ARSH: variants seen among roughly 807,000 people sequenced by gnomAD.
ARSH encodes the protein arylsulfatase family member H, also known as arylsulfatase H.
In ARSH, 32 loss-of-function variants were observed where a neutral mutation model predicts 28.7. The ratio of observed to expected loss-of-function variants is 1.11; its 90% confidence interval spans 0.84 to 1.50. The LOEUF (loss-of-function observed/expected upper bound fraction) is 1.50, where lower values mean the gene tolerates loss of function less well. Among genes scored for constraint, ARSH ranks in the 40% most tolerant of loss-of-function variants. ARSH has a pLI of 0.00. For missense variants in ARSH, 440 were observed against 452.4 expected (o/e 0.97, Z 0.25); for synonymous variants, 176 against 177.3 (o/e 0.99, Z 0.06).
rs2089919933 is a variant in ARSH at position 3,033,266 on chromosome X, G to A, written c.1570G>A (p.Val524Ile). ...AGAGCATCGTAGGACACTAACACCT[G>A]TCCCACAGCAGTTCTCTGTGTTCAA... ...IREHRRTLTPVPQQFSVFNTI... is the reference protein window; with the variant it reads ...IREHRRTLTPIPQQFSVFNTI... The change falls in exon 9 of 9, where the codon GTC becomes ATC. Residue 524 changes from valine to isoleucine, a missense_variant. Physicochemically the swap from Val to Ile is conservative, Grantham distance 29. Coordinates refer to ENST00000381130, the MANE Select transcript of ARSH (RefSeq NM_001011719.2). 2.5e-6 allele frequency: 3 copies of A among 1,211,506 alleles called. No individual in the cohort carries two copies. The highest frequency in any genetic ancestry group is 5.9e-5 in the East Asian group (2 of 33,798).
In ARSH at chrX:3,029,310, G is replaced by A; in HGVS notation, c.1263G>A (p.Glu421=). The change falls in exon 8 of 9, where the codon GAG becomes GAA. Residue 421 remains glutamate (E), a synonymous_variant. Transcript: ENST00000381130. The part of the protein sequence containing the change: ...LEGRASHSDH[E]FLFHYCGVYL... The stretch of plus-strand genomic sequence containing the variant: ...GAAGGGCGTCCCACTCCGACCACGA[G>A]TTCCTCTTCCACTACTGTGGGGTCT... 3.3e-6 allele frequency: 4 copies of A among 1,210,995 alleles called. No individual in the cohort carries two copies. Among genetic ancestry groups the A allele is most frequent in the Non-Finnish European group, 4.5e-6 (4 of 895,210 alleles).
intron 5 of ARSH, among the ~76,000 whole-genome samples, chrX:3,019,794 C>T (rs2089876568): frequency 9.0e-6 from 1 of 111,058 alleles, no homozygotes; most frequent in African/African-American, 3.3e-5. Context: ...ACTTTCTTTT[C>T]TCTGAAAACC....
At position 3,033,628 on chromosome X, in the gene ARSH, A is replaced by G. The variant is rs1441462986; in HGVS notation, c.*243A>G. 4.1e-6 allele frequency: 1 copy of G among 244,662 alleles called. No homozygotes were observed. Among genetic ancestry groups the G allele is most frequent in the African/African-American group, 2.8e-5 (1 of 36,343 alleles). The allele number at this position is 244,662 out of a possible 1,213,427, so 20.2% of individuals were successfully genotyped here. ...TAGTATATAATTGTGCCATTGCCCA[A>G]GGAAAAGAGCAAATCAAGGTGACTT... On this transcript the variant is annotated 3_prime_UTR_variant, in exon 9 of 9. Coordinates refer to ENST00000381130, the MANE Select transcript of ARSH (RefSeq NM_001011719.2).
chrX:3,011,876 C>T (rs1406113727), intron 2 of ARSH, among the ~76,000 whole-genome samples: 1 of 111,209 alleles, frequency 9.0e-6, no homozygotes, highest in Non-Finnish European at 1.9e-5. Flanking sequence ...GAGTTTCCTT[C>T]TTGTCACCCA....
chrX:3,019,903 C>A (rs1278326367), intron 5 of ARSH, among the ~76,000 whole-genome samples: 1 of 110,672 alleles, frequency 9.0e-6, no homozygotes, highest in African/African-American at 3.3e-5. Flanking sequence ...ATAAATTTCT[C>A]TTGTATATTT....
chrX:3,013,800 T>TA (rs1340195640), intron 3 of ARSH, among the ~76,000 whole-genome samples: 1 of 110,403 alleles, frequency 9.1e-6, no homozygotes, highest in African/African-American at 3.3e-5. Context: ...TATCCCCAGT[T>TA]AAAAAAAAGG....
chrX:3,009,921 T>C, intron 1 of ARSH, 109 bp from the exon 2 acceptor site: 1 of 955,769 alleles, frequency 1.0e-6, no homozygotes, highest in Non-Finnish European at 1.4e-6. Context: ...GGATTTTAGG[T>C]TTACCAGAAA....
intron 1 of ARSH, among the ~76,000 whole-genome samples, chrX:3,008,362 G>A (rs1393622848): frequency 9.0e-6 from 1 of 111,109 alleles, no homozygotes; most frequent in Non-Finnish European, 1.9e-5. Flanking sequence ...AAATAACATT[G>A]TTTCTTCTTG....
chrX:3,029,941 C>T (rs1276210601), intron 8 of ARSH, among the ~76,000 whole-genome samples: 1 of 111,472 alleles, frequency 9.0e-6, no homozygotes, highest in African/African-American at 3.3e-5. Flanking sequence ...ACTATGTGGC[C>T]CAGGCTGGTC....
At position 3,029,335 on chromosome X, in the gene ARSH, T is replaced by A; in HGVS notation, c.1288T>A (p.Tyr430Asn). 1 of 1,210,759 alleles carries A rather than the reference T, an allele frequency of 8.3e-7. No homozygotes were observed. Among genetic ancestry groups the A allele is most frequent in the Non-Finnish European group, 1.1e-6 (1 of 895,030 alleles). Reference protein sequence around the residue: ...HEFLFHYCGVYLHTVRWHQKD... With the variant: ...HEFLFHYCGVNLHTVRWHQKD... ...GTTCCTCTTCCACTACTGTGGGGTC[T>A]ATCTGCACACGGTCAGGTGGCATCA... The change falls in exon 8 of 9, where the codon TAT becomes AAT. Residue 430 changes from tyrosine (Y) to asparagine (N), a missense_variant. Coordinates refer to ENST00000381130, the MANE Select transcript of ARSH (RefSeq NM_001011719.2).
chrX:3,032,815 A>G (rs997061847), intron 8 of ARSH, among the ~76,000 whole-genome samples: 3 of 112,094 alleles, frequency 2.7e-5, no homozygotes, highest in African/African-American at 9.7e-5. Flanking sequence ...TTCTCATGAC[A>G]AGATTTCTAA....
chrX:3,016,472 T>C (rs1265942091), intron 4 of ARSH, among the ~76,000 whole-genome samples: 1 of 111,610 alleles, frequency 9.0e-6, no homozygotes, highest in Non-Finnish European at 1.9e-5. Flanking sequence ...TGGCTCTGTA[T>C]TTACAGATAC....
intron 4 of ARSH, among the ~76,000 whole-genome samples, chrX:3,016,467 C>G (rs1012860164): frequency 1.8e-5 from 2 of 111,507 alleles, no homozygotes; most frequent in African/African-American, 6.5e-5. Context: ...GATAGTGGCT[C>G]TGTATTTACA....
chrX:3,006,946 A>G (rs142206728), intron 1 of ARSH, among the ~76,000 whole-genome samples: 4,230 of 111,290 alleles, frequency 0.038, 77 homozygotes, highest in Middle Eastern at 0.089. Context: ...TACATTTAAA[A>G]ATTGGCCTTT....
intron 8 of ARSH, 60 bp from the exon 9 acceptor site, chrX:3,032,958 G>A (rs1216703464): frequency 4.4e-6 from 5 of 1,132,536 alleles, no homozygotes; most frequent in Non-Finnish European, 5.8e-6. Context: ...CATCTTTAAC[G>A]AAAAGAGTCC....
chrX:3,015,289 T>C lies in ARSH; in HGVS notation c.660T>C (p.Arg220=). ...SWYSSYGFTR[R]WNCILMRNHE... is the part of the protein sequence containing the mutation. ...ACTCTAGTTATGGATTTACTCGACG[T>C]TGGAATTGCATCCTTATGAGGAACC... The change falls in exon 4 of 9, where the codon CGT becomes CGC. Residue 220 remains arginine (R), a synonymous_variant. Coordinates refer to ENST00000381130, the MANE Select transcript of ARSH (RefSeq NM_001011719.2). 3 of 1,211,661 alleles carry C rather than the reference T, an allele frequency of 2.5e-6. No individual in the cohort carries two copies. The highest frequency in any genetic ancestry group is 1.8e-5 in the South Asian group (1 of 56,947).
intron 7 of ARSH, 93 bp from the exon 8 acceptor site, chrX:3,029,154 C>T: frequency 1.1e-6 from 1 of 936,101 alleles, no homozygotes. Context: ...TCCTTTTCCT[C>T]CTCCTCCTCC....
At chrX:3,021,881 T>TTGTGTG (rs3032484) in intron 5 of ARSH, among the ~76,000 whole-genome samples, 2,788 of 94,187 alleles carry the variant, frequency 0.03, 55 homozygotes, top group South Asian at 0.068. Flanking sequence ...TCTGGCCAAT[T>TTGTGTG]TGTGTGTGTG....
chrX:3,012,381 C>A (rs770619845), intron 2 of ARSH, among the ~76,000 whole-genome samples: 2 of 100,296 alleles, frequency 2.0e-5, no homozygotes, highest in Non-Finnish European at 4.0e-5. Flanking sequence ...CTACTAAAAA[C>A]ACACACACAA....
Sources: allele counts gnomAD v4.1 joint callset (sites outside exome capture counted in the v4.1 genomes callset), GRCh38; gene constraint gnomAD v4.1.1; transcripts MANE v1.5; gene names NCBI Gene and HGNC (gene_info 2026-07-23, HGNC 2026-07-21).